The following MCCC1 variants were observed in gnomAD, a reference collection of about 807,000 sequenced individuals.
The protein encoded by MCCC1 is methylcrotonyl-CoA carboxylase subunit 1, also known as methylcrotonoyl-CoA carboxylase subunit alpha, mitochondrial.
MCCC1 carries 64 observed loss-of-function variants against 83.8 expected under a neutral mutation model. The ratio of observed to expected loss-of-function variants is 0.76; its 90% confidence interval spans 0.62 to 0.94. MCCC1 has a LOEUF of 0.94. Ranked by LOEUF, MCCC1 falls within the 40% of genes least tolerant of loss-of-function variation. The pLI is 0.00. For synonymous variants in MCCC1, 322 were observed against 315.4 expected (o/e 1.02, Z -0.22); for missense variants, 807 against 904.7 (o/e 0.89, Z 1.39).
intron 15 of MCCC1, among the ~76,000 whole-genome samples, 181 bp downstream of exon 15, chr3:183,025,574 T>C (rs995579629): frequency 6.6e-6 from 1 of 152,224 alleles, no homozygotes; most frequent in Non-Finnish European, 1.5e-5. Context: ...AAACAATCAG[T>C]TAGAAACTGT....
At chr3:183,099,498 C>A (rs578167348), upstream of MCCC1, 3 of 1,550,862 alleles carry the variant, frequency 1.9e-6, no homozygotes, top group East Asian at 2.4e-5. Flanking sequence ...GCGTCCCACA[C>A]GCCAAACCCG....
At chr3:183,035,881 G>T (rs564934684) in intron 13 of MCCC1, among the ~76,000 whole-genome samples, 204 of 151,852 alleles carry the variant, frequency 1.3e-3, no homozygotes, top group South Asian at 3.1e-3. Context: ...CAAGGTGCAG[G>T]TTTGTTACAT....
At chr3:183,020,318 T>C (rs529106117) in intron 16 of MCCC1, 81 bp from the exon 17 acceptor site, 76 of 1,148,398 alleles carry the variant, frequency 6.6e-5, no homozygotes, top group Non-Finnish European at 9.3e-5. Flanking sequence ...TAATAATTGT[T>C]TCCCAGCAAT....
intron 1 of MCCC1, among the ~76,000 whole-genome samples, chr3:183,108,253 T>C (rs1719437990): frequency 6.6e-6 from 1 of 152,230 alleles, no homozygotes; most frequent in South Asian, 2.1e-4. Flanking sequence ...ATTTTATTTT[T>C]CTTTAACCTG....
chr3:183,106,539 C>T (rs1719410246), intron 1 of MCCC1, among the ~76,000 whole-genome samples: 1 of 142,718 alleles, frequency 7.0e-6, no homozygotes, highest in Admixed American at 6.7e-5. Flanking sequence ...CGCTCTGTCG[C>T]CCAGGCTGGA....
intron 5 of MCCC1, among the ~76,000 whole-genome samples, chr3:183,071,777 C>T (rs1190409603): frequency 6.6e-6 from 1 of 151,516 alleles, no homozygotes; most frequent in Non-Finnish European, 1.5e-5. Flanking sequence ...TTATACTTCA[C>T]TACAGCCTTA....
chr3:183,056,771 G>A (rs1357737738), intron 8 of MCCC1, among the ~76,000 whole-genome samples: 8 of 152,118 alleles, frequency 5.3e-5, no homozygotes, highest in Admixed American at 4.6e-4. Context: ...TCGGCTCACT[G>A]CAACCTCCGC....
intron 1 of MCCC1, among the ~76,000 whole-genome samples, chr3:183,107,323 G>T (rs112650049): frequency 0.04 from 6,056 of 151,318 alleles, 406 homozygotes; most frequent in African/African-American, 0.14. Flanking sequence ...CAGGAGAATC[G>T]CTTGAACCCA....
intron 1 of MCCC1, among the ~76,000 whole-genome samples, chr3:183,113,403 CG>C (rs1719533594): frequency 1.3e-5 from 1 of 77,828 alleles, no homozygotes; most frequent in Admixed American, 2.0e-4. Flanking sequence ...CATCATACTC[CG>C]GGGACTGTTG....
chr3:183,020,077 A>C, intron 17 of MCCC1, 53 bp downstream of exon 17: 1 of 1,373,996 alleles, frequency 7.3e-7, no homozygotes, highest in African/African-American at 1.4e-5. Context: ...AAGTTTAACA[A>C]AGCCACGTAT....
At chr3:183,054,979 G>A (rs969856110) in intron 8 of MCCC1, among the ~76,000 whole-genome samples, 9 of 152,112 alleles carry the variant, frequency 5.9e-5, no homozygotes, top group Admixed American at 5.2e-4. Context: ...TTGCTATTTA[G>A]GTTTAAGTAC....
chr3:183,097,125 G>C (rs1174551374), intron 1 of MCCC1, among the ~76,000 whole-genome samples: 1 of 152,106 alleles, frequency 6.6e-6, no homozygotes, highest in Non-Finnish European at 1.5e-5. Context: ...TATCTAAGCT[G>C]CAACTTAAAA....
At position 183,034,137 on chromosome 3, in the gene MCCC1, C is replaced by A. The variant is rs1041580434; in HGVS notation, c.1595-60G>T. On this transcript the variant is annotated intron_variant, in intron 13 of 18. Transcript: ENST00000265594. ...GAGTATCAAGCCTATGAAATTTACA[C>A]CTTACAAAAGAAAACATAAAATGCA... 16 of 1,190,370 alleles carry A rather than the reference C, an allele frequency of 1.3e-5. 1 individual carries two copies. Among genetic ancestry groups the A allele is most frequent in the Admixed American group, 1.2e-4 (7 of 58,954 alleles). 73.7% of individuals were successfully genotyped at this position (1,190,370 alleles called of 1,614,324 possible).
intron 3 of MCCC1, chr3:183,090,942 T>A (rs964790604): frequency 2.4e-5 from 11 of 455,520 alleles, no homozygotes; most frequent in Admixed American, 9.4e-5. Flanking sequence ...TGACCTTCGA[T>A]GGGAAAGATG....
At chr3:183,053,104 T>G in intron 8 of MCCC1, among the ~76,000 whole-genome samples, 1 of 152,178 alleles carries the variant, frequency 6.6e-6, no homozygotes, top group East Asian at 1.9e-4. Flanking sequence ...ACAGTGACAC[T>G]GATGATCCTG....
chr3:183,098,183 C>T (rs1482395018), intron 1 of MCCC1, among the ~76,000 whole-genome samples: 4 of 152,240 alleles, frequency 2.6e-5, no homozygotes, highest in Admixed American at 2.0e-4. Flanking sequence ...CCCGCCTCGG[C>T]GTCCCAAAGT....
intron 14 of MCCC1, among the ~76,000 whole-genome samples, chr3:183,032,357 G>GTA (rs1713152055): frequency 6.6e-6 from 1 of 152,220 alleles, no homozygotes; most frequent in African/African-American, 2.4e-5. Flanking sequence ...GCATATAGGA[G>GTA]TCTAGAATAA....
chr3:183,106,184 A>G (rs1719400784), intron 1 of MCCC1, among the ~76,000 whole-genome samples: 1 of 152,034 alleles, frequency 6.6e-6, no homozygotes, highest in African/African-American at 2.4e-5. Context: ...GCAACTGCCT[A>G]TGGAACCCTG....
chr3:183,102,758 G>GTTT (rs566199257), upstream of MCCC1, among the ~76,000 whole-genome samples: 4 of 52,168 alleles, frequency 7.7e-5, 1 homozygote, highest in Non-Finnish European at 1.4e-4. Context: ...AGCAGAGAAA[G>GTTT]TTTTTTTTTT....
Sources: gnomAD v4.1 joint callset for allele counts (sites outside exome capture counted in the v4.1 genomes callset) on GRCh38, gnomAD v4.1.1 for gene constraint, MANE v1.5 for transcripts, NCBI Gene and HGNC (gene_info 2026-07-23, HGNC 2026-07-21) for gene names.